The following PTH2R variants were observed in gnomAD, a reference collection of about 807,000 sequenced individuals.
PTH2R encodes the protein parathyroid hormone 2 receptor.
A neutral mutation model predicts 60.3 loss-of-function variants in PTH2R; 59 were observed. That is an observed-to-expected ratio of 0.98 (90% CI 0.79 to 1.22). The LOEUF (loss-of-function observed/expected upper bound fraction) is 1.22. Ranked by LOEUF, PTH2R falls within the 50% of genes most tolerant of loss-of-function variation. The pLI is 0.00. For synonymous variants in PTH2R, 256 were observed against 243.8 expected, an observed-to-expected ratio of 1.05 and a Z score of -0.47; for missense variants, 749 against 682.6, an observed-to-expected ratio of 1.10 and a Z score of -1.08.
intron 1 of PTH2R, among the ~76,000 whole-genome samples, chr2:208,380,093 A>G (rs991387221): frequency 6.6e-6 from 1 of 152,086 alleles, no homozygotes; most frequent in Non-Finnish European, 1.5e-5. Context: ...AATGAATAAC[A>G]TGTGTCAGGT....
chr2:208,400,086 T>C (rs1701280532), intron 1 of PTH2R, among the ~76,000 whole-genome samples: 1 of 152,178 alleles, frequency 6.6e-6, no homozygotes, highest in Non-Finnish European at 1.5e-5. Flanking sequence ...TAAACTCTTC[T>C]TAAAACCCAA....
In PTH2R at chr2:208,387,104, T is replaced by C. The variant is rs550288588; in HGVS notation, c.-259+26867T>C. On this transcript the variant is annotated intron_variant, in intron 1 of 12. Transcript: ENST00000617735. Reference sequence around the variant, plus strand: ...GGATAATATTTGGCTAAATGTTCTCTTCTTTTTGAGCTCTGGATCATTGTT... The same window carrying C: ...GGATAATATTTGGCTAAATGTTCTCCTCTTTTTGAGCTCTGGATCATTGTT... Among the ~76,000 whole-genome samples, 3 of 152,352 alleles carry C rather than the reference T, an allele frequency of 2.0e-5. No individual in the cohort carries two copies. In the South Asian group the frequency reaches 6.2e-4, roughly 32 times the overall value.
rs140896913 is a variant in PTH2R at position 208,467,389 on chromosome 2, A to G, written c.981+7428A>G. On this transcript the variant is annotated intron_variant, in intron 9 of 12. Transcript: ENST00000272847. ...AATACAGAAGAAAAACACTTTTAGT[A>G]TTAAGTTACTCAACCAGAATGTGGT... Among the ~76,000 whole-genome samples, 3 of 152,342 alleles carry G rather than the reference A, an allele frequency of 2.0e-5. No individual in the cohort carries two copies. The East Asian group carries it at 5.8e-4, about 29-fold the overall frequency.
chr2:208,490,392 C>A (rs1574919466), intron 11 of PTH2R, among the ~76,000 whole-genome samples: 2 of 152,216 alleles, frequency 1.3e-5, no homozygotes, highest in East Asian at 3.9e-4. Context: ...GGATAGAAAC[C>A]TATTCCTTGT....
At chr2:208,441,299 G>A (rs1200810332) in intron 4 of PTH2R, among the ~76,000 whole-genome samples, 2 of 152,202 alleles carry the variant, frequency 1.3e-5, no homozygotes, top group African/African-American at 4.8e-5. Context: ...AGAGTCTGAA[G>A]TGCAGGAGCT....
intron 1 of PTH2R, among the ~76,000 whole-genome samples, chr2:208,426,965 T>C (rs1701869371): frequency 6.6e-6 from 1 of 152,210 alleles, no homozygotes; most frequent in Admixed American, 6.5e-5. Flanking sequence ...AAAATATCTT[T>C]AGAAGCTGTA....
chr2:208,366,280 T>A (rs1004911119), intron 1 of PTH2R, among the ~76,000 whole-genome samples: 3 of 152,004 alleles, frequency 2.0e-5, no homozygotes, highest in South Asian at 2.1e-4. Flanking sequence ...GCAGGTTTGG[T>A]GTTTCTAGAA....
exon 1 of PTH2R, chr2:208,359,933 C>T (rs1205439455): frequency 2.9e-5 from 7 of 240,774 alleles, no homozygotes; most frequent in East Asian, 1.2e-4. Context: ...ATCTGCGGGG[C>T]GCCCAGTCAC....
chr2:208,414,781 C>T (rs1396662047), intron 1 of PTH2R, among the ~76,000 whole-genome samples: 1 of 151,924 alleles, frequency 6.6e-6, no homozygotes, highest in Non-Finnish European at 1.5e-5. Flanking sequence ...GAAGAAGGAT[C>T]GAGGTTAACA....
intron 2 of PTH2R, among the ~76,000 whole-genome samples, chr2:208,430,398 A>T (rs1285787868): frequency 1.3e-5 from 2 of 151,910 alleles, no homozygotes; most frequent in Non-Finnish European, 2.9e-5. Flanking sequence ...ACCTTGAAAG[A>T]TACTTTTTCT....
intron 8 of PTH2R, among the ~76,000 whole-genome samples, chr2:208,457,951 T>C (rs1239270746): frequency 6.6e-6 from 1 of 152,222 alleles, no homozygotes; most frequent in Non-Finnish European, 1.5e-5. Context: ...ACTATCATTA[T>C]ATCCCACAAA....
chr2:208,394,234 C>T (rs1427791876), intron 1 of PTH2R, among the ~76,000 whole-genome samples: 1 of 152,154 alleles, frequency 6.6e-6, no homozygotes, highest in Non-Finnish European at 1.5e-5. Context: ...AAGGGCATGC[C>T]CTTGTGCAAT....
In PTH2R at chr2:208,437,588, CA is replaced by C. The variant is rs1702099825; in HGVS notation, c.231del (p.Val78TrpfsTer38). 1 of 1,613,446 alleles carries C rather than the reference CA, an allele frequency of 6.2e-7. No homozygotes were observed. Among genetic ancestry groups the C allele is most frequent in the African/African-American group, 1.3e-5 (1 of 74,858 alleles). On this transcript the variant is annotated frameshift_variant, in exon 3 of 13. Coordinates refer to ENST00000272847, the MANE Select transcript of PTH2R (RefSeq NM_005048.4). LOFTEE classifies it high-confidence loss of function. ...GGACTCATTTGTTGGCCCAGAGGAA[CA>C]GTGGGGAAAATATCGGCTGTTCCAT... Reference protein sequence around the residue: ...WDGLICWPRGTVGKISAVPCP... With the variant: ...WDGLICWPRGXVGKISAVPCP...
intron 1 of PTH2R, among the ~76,000 whole-genome samples, chr2:208,414,079 C>T (rs1701593428): frequency 6.6e-6 from 1 of 152,162 alleles, no homozygotes; most frequent in African/African-American, 2.4e-5. Flanking sequence ...TACTGGGGCT[C>T]ATTGTATGAG....
Position 208,419,787 on chromosome 2 carries a change from C to T in PTH2R, c.76-8414C>T, listed in dbSNP as rs560361920. 3.4e-4 allele frequency among the ~76,000 whole-genome samples: 52 copies of T among 152,298 alleles called. 1 individual carries two copies. Among genetic ancestry groups the T allele is most frequent in the Admixed American group, 3.1e-3 (48 of 15,294 alleles). ...CCATTTATTAAACAGGGAATCCTTTCTCCATTGCTTGTTTTTTAAATCATG... is the reference window on the plus strand; with the variant it reads ...CCATTTATTAAACAGGGAATCCTTTTTCCATTGCTTGTTTTTTAAATCATG... On this transcript the variant is annotated intron_variant, in intron 1 of 12. Coordinates refer to ENST00000272847, the MANE Select transcript of PTH2R (RefSeq NM_005048.4).
intron 1 of PTH2R, among the ~76,000 whole-genome samples, chr2:208,362,363 A>C (rs1700491326): frequency 1.3e-5 from 2 of 152,294 alleles, no homozygotes; most frequent in East Asian, 1.9e-4. Context: ...ATTCATATAG[A>C]TATGATATCT....
At position 208,437,787 on chromosome 2, in the gene PTH2R, A is replaced by T. The variant is rs763579213; in HGVS notation, c.317A>T (p.Asn106Ile). ...GTTGCTTTCCGACACTGTAACCCCA[A>T]TGGAACATGGGATTTTATGCACAGC... ...KGVAFRHCNP[N>I]GTWDFMHSLN... The change falls in exon 4 of 13, where the codon AAT becomes ATT. Residue 106 changes from asparagine to isoleucine, a missense_variant. Asn to Ile is a moderately radical substitution (Grantham distance 149). Transcript: ENST00000272847. The T allele has an allele frequency of 6.2e-7, 1 of 1,613,826 alleles. No individual in the cohort carries two copies. Among genetic ancestry groups the T allele is most frequent in the South Asian group, 1.1e-5 (1 of 91,062 alleles).
intron 2 of PTH2R, among the ~76,000 whole-genome samples, chr2:208,429,307 C>T (rs571768070): frequency 6.6e-6 from 1 of 152,018 alleles, no homozygotes; most frequent in South Asian, 2.1e-4. Context: ...ATATATATAT[C>T]TTAAAATATG....
chr2:208,406,618 C>A (rs755453578), upstream of PTH2R, among the ~76,000 whole-genome samples: 1 of 152,100 alleles, frequency 6.6e-6, no homozygotes, highest in African/African-American at 2.4e-5. Context: ...CATTGCGAAT[C>A]GGGGGTGGCG....
Sources: gnomAD v4.1 joint callset for allele counts (sites outside exome capture counted in the v4.1 genomes callset) on GRCh38, gnomAD v4.1.1 for gene constraint, MANE v1.5 for transcripts, NCBI Gene and HGNC (gene_info 2026-07-23, HGNC 2026-07-21) for gene names.